Variants in EPB41L2 observed in about 807,000 individuals in gnomAD.
The protein encoded by EPB41L2 is erythrocyte membrane protein band 4.1 like 2, also known as band 4.1-like protein 2.
A neutral mutation model predicts 113.0 loss-of-function variants in EPB41L2; 43 were observed. That is an observed-to-expected ratio of 0.38 (90% confidence interval 0.30 to 0.49). EPB41L2 has a LOEUF of 0.49. Among genes scored for constraint, EPB41L2 ranks in the 20% least tolerant of loss-of-function variants. EPB41L2 has a pLI of 0.95. For synonymous variants in EPB41L2, 442 were observed against 436.7 expected (o/e 1.01, Z -0.15); for missense variants, 1,147 against 1,223.4 (o/e 0.94, Z 0.93).
At chr6:130,977,831 A>G (rs1778526595) in intron 1 of EPB41L2, among the ~76,000 whole-genome samples, 1 of 152,248 alleles carries the variant, frequency 6.6e-6, no homozygotes, top group Non-Finnish European at 1.5e-5. Context: ...AGATCAAAAA[A>G]GAATCATAAT....
chr6:130,962,978 T>C (rs1773989535), intron 1 of EPB41L2, among the ~76,000 whole-genome samples: 1 of 152,178 alleles, frequency 6.6e-6, no homozygotes, highest in South Asian at 2.1e-4. Context: ...CCTTCTGCTG[T>C]CTCTGAACAT....
chr6:130,904,699 T>C (rs1475423335), intron 5 of EPB41L2, among the ~76,000 whole-genome samples, 159 bp from the exon 6 acceptor site: 1 of 151,878 alleles, frequency 6.6e-6, no homozygotes, highest in Non-Finnish European at 1.5e-5. Flanking sequence ...GTTTATAAAA[T>C]AAAAATGAAA....
At position 130,878,127 on chromosome 6, in the gene EPB41L2, G is replaced by A; in HGVS notation, c.2020C>T (p.Pro674Ser). 6.2e-7 allele frequency: 1 copy of A among 1,613,328 alleles called. No individual in the cohort carries two copies. Among genetic ancestry groups the A allele is most frequent in the Non-Finnish European group, 8.5e-7 (1 of 1,179,712 alleles). The change falls in exon 14 of 20, where the codon CCT (proline) becomes TCT (serine). Residue 674 changes from proline to serine, a missense_variant. Coordinates refer to ENST00000337057, the MANE Select transcript of EPB41L2 (RefSeq NM_001431.4). The stretch of plus-strand genomic sequence containing the variant: ...ACCCCTTGTGTCTGTAGGGACAGAG[G>A]TGTGATACGTCGTTTTTCCCATTCA... The part of the protein sequence containing the change: ...PNEWEKRRIT[P>S]LSLQTQGSSH...
intron 14 of EPB41L2, among the ~76,000 whole-genome samples, chr6:130,876,967 T>G (rs1311643541): frequency 6.6e-6 from 1 of 152,190 alleles, no homozygotes. Context: ...TGGAATAGAC[T>G]GCTGAAATTG....
At chr6:130,944,821 G>C (rs1314289549) in intron 3 of EPB41L2, among the ~76,000 whole-genome samples, 1 of 152,176 alleles carries the variant, frequency 6.6e-6, no homozygotes, top group Non-Finnish European at 1.5e-5. Flanking sequence ...GTGGAGGAGG[G>C]AGGGGGGCCG....
intron 1 of EPB41L2, among the ~76,000 whole-genome samples, chr6:131,037,848 A>G (rs1236404624): frequency 6.6e-6 from 1 of 152,124 alleles, no homozygotes; most frequent in Non-Finnish European, 1.5e-5. Context: ...CTCAGCCTCC[A>G]AAACTGCTAG....
intron 3 of EPB41L2, among the ~76,000 whole-genome samples, chr6:130,928,872 C>T (rs1479638178): frequency 1.3e-5 from 2 of 152,220 alleles, no homozygotes; most frequent in African/African-American, 4.8e-5. Flanking sequence ...TACCTCAGAG[C>T]TCACGTGAGA....
At chr6:130,927,380 G>A (rs1805121150) in intron 3 of EPB41L2, among the ~76,000 whole-genome samples, 1 of 152,080 alleles carries the variant, frequency 6.6e-6, no homozygotes, top group Admixed American at 6.6e-5. Context: ...AGAGATGTAA[G>A]AGCCTTTGAC....
At chr6:130,959,574 G>C (rs1346660335) in intron 1 of EPB41L2, among the ~76,000 whole-genome samples, 2 of 152,176 alleles carry the variant, frequency 1.3e-5, no homozygotes, top group African/African-American at 4.8e-5. Context: ...CATATTCTTT[G>C]CTGCTTCTCA....
intron 1 of EPB41L2, among the ~76,000 whole-genome samples, chr6:131,041,324 A>G (rs557319605): frequency 1.8e-4 from 27 of 152,326 alleles, no homozygotes; most frequent in Non-Finnish European, 2.8e-4. Context: ...TAATGTATCT[A>G]GGCAATAATC....
chr6:130,861,371 C>T (rs1166803538), intron 18 of EPB41L2, among the ~76,000 whole-genome samples: 6 of 152,216 alleles, frequency 3.9e-5, no homozygotes, highest in Non-Finnish European at 8.8e-5. Flanking sequence ...CGCCCCCAGC[C>T]TGAAGATTCC....
chr6:130,919,156 C>A (rs530374455), intron 4 of EPB41L2, among the ~76,000 whole-genome samples: 5 of 152,240 alleles, frequency 3.3e-5, no homozygotes, highest in East Asian at 3.9e-4. Flanking sequence ...TTCTTAAGTT[C>A]CCAAAGTTTT....
chr6:130,912,954 A>G (rs956445724), intron 4 of EPB41L2, among the ~76,000 whole-genome samples: 1 of 152,202 alleles, frequency 6.6e-6, no homozygotes, highest in African/African-American at 2.4e-5. Flanking sequence ...GGTCTTAAAG[A>G]CAGACCCTTC....
intron 1 of EPB41L2, among the ~76,000 whole-genome samples, chr6:130,968,223 G>C (rs571952028): frequency 5.3e-5 from 8 of 152,284 alleles, no homozygotes; most frequent in South Asian, 4.1e-4. Flanking sequence ...TAACTGCACA[G>C]GATAAACGCA....
intron 3 of EPB41L2, among the ~76,000 whole-genome samples, chr6:130,946,956 A>C (rs1256488667): frequency 1.3e-5 from 2 of 151,786 alleles, no homozygotes; most frequent in East Asian, 1.9e-4. Context: ...TCGCATCACA[A>C]AAAAAAATTA....
At chr6:130,881,070 T>C (rs1433430280) in intron 12 of EPB41L2, 1 of 152,180 alleles carries the variant, frequency 6.6e-6, no homozygotes, top group Non-Finnish European at 1.5e-5. Flanking sequence ...TTTTTCATAG[T>C]TGGACATTTC....
At chr6:130,991,604 G>A (rs996525814) in intron 1 of EPB41L2, among the ~76,000 whole-genome samples, 2 of 152,086 alleles carry the variant, frequency 1.3e-5, no homozygotes, top group Non-Finnish European at 2.9e-5. Context: ...ACTCCACTAC[G>A]TATCTACTTC....
chr6:131,039,387 T>A (rs1478621455), intron 1 of EPB41L2, among the ~76,000 whole-genome samples: 1 of 152,202 alleles, frequency 6.6e-6, no homozygotes, highest in East Asian at 1.9e-4. Context: ...AGATGCTGTT[T>A]AACACAAAAT....
intron 4 of EPB41L2, among the ~76,000 whole-genome samples, chr6:130,921,742 G>C (rs1008163241): frequency 6.6e-5 from 10 of 152,122 alleles, no homozygotes; most frequent in African/African-American, 2.2e-4. Flanking sequence ...ACAGGCCCTT[G>C]TCAGGTAGTA....
Sources: allele counts gnomAD v4.1 joint callset (sites outside exome capture counted in the v4.1 genomes callset), GRCh38; gene constraint gnomAD v4.1.1; transcripts MANE v1.5; gene names NCBI Gene and HGNC (gene_info 2026-07-23, HGNC 2026-07-21).